The following GABRB1 variants were observed in gnomAD, a reference collection of about 807,000 sequenced individuals.
GABRB1 encodes gamma-aminobutyric acid type A receptor subunit beta1, also known as gamma-aminobutyric acid receptor subunit beta-1.
In GABRB1, 17 loss-of-function variants were observed where a neutral mutation model predicts 51.6. That is an observed-to-expected ratio of 0.33 (90% confidence interval 0.23 to 0.49). The LOEUF (loss-of-function observed/expected upper bound fraction) is 0.49, where lower values mean the gene tolerates loss of function less well. Among genes scored for constraint, GABRB1 ranks in the 20% least tolerant of loss-of-function variants. The pLI is 0.99. For synonymous variants in GABRB1, 247 were observed against 218.9 expected (o/e 1.13, Z -1.14); for missense variants, 410 against 600.6 (o/e 0.68, Z 3.32).
At chr4:47,220,480 G>C (rs1432834248) in intron 4 of GABRB1, among the ~76,000 whole-genome samples, 5 of 151,810 alleles carry the variant, frequency 3.3e-5, no homozygotes, top group Non-Finnish European at 1.5e-5. Flanking sequence ...CTCTACAAAT[G>C]GTTCCCAAAT....
At chr4:47,108,926 A>G (rs149385810) in intron 3 of GABRB1, among the ~76,000 whole-genome samples, 1 of 152,148 alleles carries the variant, frequency 6.6e-6, no homozygotes, top group East Asian at 1.9e-4. Flanking sequence ...GTAAACTTTG[A>G]TGTGCTTTTT....
At chr4:47,203,197 CATAGGGAGAA>C (rs1236590577) in intron 4 of GABRB1, among the ~76,000 whole-genome samples, 1 of 152,134 alleles carries the variant, frequency 6.6e-6, no homozygotes, top group Non-Finnish European at 1.5e-5. Context: ...GGCACTTCTA[CATAGGGAGAA>C]ATTATTTCCC....
Position 47,213,420 on chromosome 4 carries a change from C to T in GABRB1, c.461+51951C>T, listed in dbSNP as rs185136729. Among the ~76,000 whole-genome samples, 16 of 151,374 alleles carry T rather than the reference C, an allele frequency of 1.1e-4. No homozygotes were observed. In the East Asian group the frequency reaches 1.9e-3, roughly 18 times the overall value. Reference sequence around the variant, plus strand: ...GAAAATTAATTAATATTTTCACATTCGCTCTCTCTCTCTCTCACTCTCTCT... The same window carrying T: ...GAAAATTAATTAATATTTTCACATTTGCTCTCTCTCTCTCTCACTCTCTCT... On this transcript the variant is annotated intron_variant, in intron 4 of 8. Transcript: ENST00000295454.
intron 3 of GABRB1, among the ~76,000 whole-genome samples, chr4:47,150,404 G>A (rs181470283): frequency 1.4e-3 from 208 of 150,724 alleles, no homozygotes; most frequent in African/African-American, 4.7e-3. Flanking sequence ...ATGTAGAAGA[G>A]ATTCGTTGCA....
At chr4:47,022,221 C>G (rs1253649889) in intron 1 of GABRB1, among the ~76,000 whole-genome samples, 1 of 151,880 alleles carries the variant, frequency 6.6e-6, no homozygotes, top group East Asian at 1.9e-4. Flanking sequence ...GCTTTGTTTT[C>G]CTATAGTAAT....
chr4:47,241,396 G>A (rs1401750091), intron 4 of GABRB1, among the ~76,000 whole-genome samples: 2 of 152,078 alleles, frequency 1.3e-5, no homozygotes, highest in Non-Finnish European at 2.9e-5. Context: ...CTAACAAGAG[G>A]CCCTTGTCAT....
At chr4:47,225,055 G>A (rs1254059813) in intron 4 of GABRB1, among the ~76,000 whole-genome samples, 1 of 151,808 alleles carries the variant, frequency 6.6e-6, no homozygotes, top group Admixed American at 6.6e-5. Flanking sequence ...CCACCATACC[G>A]GGCTAATTTT....
Position 47,007,464 on chromosome 4 carries a change from A to C in GABRB1, c.-20+13538A>C, listed in dbSNP as rs113945328. On this transcript the variant is annotated intron_variant, in intron 1 of 3. Transcript: ENST00000513567. ...AACTAAAGGAACAAACAGGTGAAAA[A>C]TGTAATAAAGGCATAAATGATTTTA... 5.0e-3 allele frequency among the ~76,000 whole-genome samples: 767 copies of C among 152,332 alleles called. 6 individuals are homozygous for C. The highest frequency in any genetic ancestry group is 0.017 in the African/African-American group (707 of 41,572).
intron 4 of GABRB1, among the ~76,000 whole-genome samples, chr4:47,260,195 C>T (rs760067911): frequency 2.8e-4 from 42 of 152,192 alleles, no homozygotes; most frequent in Non-Finnish European, 4.3e-4. Context: ...CTTCCTCCAT[C>T]CTTTTATTTT....
chr4:47,219,526 G>A (rs1366752067), intron 4 of GABRB1, among the ~76,000 whole-genome samples: 1 of 151,726 alleles, frequency 6.6e-6, no homozygotes, highest in Non-Finnish European at 1.5e-5. Flanking sequence ...TATTACATTT[G>A]GGCCATTGTA....
intron 4 of GABRB1, among the ~76,000 whole-genome samples, chr4:47,200,445 T>C (rs1054207732): frequency 1.3e-5 from 2 of 152,068 alleles, no homozygotes; most frequent in Non-Finnish European, 2.9e-5. Context: ...TAAGGAAGGG[T>C]TTATCAATAA....
intron 4 of GABRB1, among the ~76,000 whole-genome samples, chr4:47,246,331 TATGTAC>T (rs1445908314): frequency 1.1e-3 from 62 of 56,816 alleles, no homozygotes; most frequent in Non-Finnish European, 1.5e-3. Flanking sequence ...CACACACACA[TATGTAC>T]ATATATATAT....
At chr4:47,012,774 G>A (rs1336438346) in intron 1 of GABRB1, among the ~76,000 whole-genome samples, 1 of 152,072 alleles carries the variant, frequency 6.6e-6, no homozygotes, top group Non-Finnish European at 1.5e-5. Flanking sequence ...TGTATACATG[G>A]GAGAGAAAGG....
chr4:47,111,521 G>A (rs1715209184), intron 3 of GABRB1, among the ~76,000 whole-genome samples: 1 of 151,914 alleles, frequency 6.6e-6, no homozygotes, highest in Non-Finnish European at 1.5e-5. Context: ...ACTTGAAATC[G>A]GTGCCTAATC....
At position 47,013,139 on chromosome 4, in the gene GABRB1, CTGTGTG is replaced by C. The variant is rs59902564; in HGVS notation, c.-19-18755_-19-18750del. Reference sequence around the variant, plus strand: ...GTGCATTAGACCAACAAATTGCATTCTGTGTGTGTGTGTGTGTGTGTGTGTAAGGCT... The same window carrying C: ...GTGCATTAGACCAACAAATTGCATTCTGTGTGTGTGTGTGTGTGTAAGGCT... On this transcript the variant is annotated intron_variant, in intron 1 of 3. Transcript: ENST00000513567. Among the ~76,000 whole-genome samples, 3 of 149,006 alleles carry C rather than the reference CTGTGTG, an allele frequency of 2.0e-5. No homozygotes were observed. In the Admixed American group the frequency reaches 2.0e-4, roughly 10 times the overall value.
intron 3 of GABRB1, among the ~76,000 whole-genome samples, chr4:47,138,090 C>T (rs1716752083): frequency 6.6e-6 from 1 of 152,056 alleles, no homozygotes; most frequent in Non-Finnish European, 1.5e-5. Context: ...TGGCAAGTTA[C>T]AAACCACCAC....
At chr4:47,011,837 T>C (rs568411751) in intron 1 of GABRB1, among the ~76,000 whole-genome samples, 12 of 152,154 alleles carry the variant, frequency 7.9e-5, no homozygotes, top group Non-Finnish European at 1.6e-4. Context: ...CTGTATAGGC[T>C]TCTATAAAAA....
chr4:47,142,141 A>T (rs1385329145), intron 3 of GABRB1, among the ~76,000 whole-genome samples: 1 of 151,890 alleles, frequency 6.6e-6, no homozygotes, highest in South Asian at 2.1e-4. Context: ...GTGCTCTAAA[A>T]GTGTCTCTTG....
At chr4:47,346,544 A>G (rs945366538) in intron 5 of GABRB1, among the ~76,000 whole-genome samples, 4 of 152,194 alleles carry the variant, frequency 2.6e-5, no homozygotes, top group African/African-American at 9.6e-5. Context: ...GGAGAAATTC[A>G]TTGATGAATG....
Sources: gnomAD v4.1 joint callset for allele counts (sites outside exome capture counted in the v4.1 genomes callset) on GRCh38, gnomAD v4.1.1 for gene constraint, MANE v1.5 for transcripts, NCBI Gene and HGNC (gene_info 2026-07-23, HGNC 2026-07-21) for gene names.